The following SLIT3 variants were observed in gnomAD, a reference collection of about 807,000 sequenced individuals.
The protein encoded by SLIT3 is slit homolog 3 protein.
SLIT3 carries 68 observed loss-of-function variants against 184.0 expected under a neutral mutation model. The ratio of observed to expected loss-of-function variants is 0.37; its 90% CI spans 0.30 to 0.45. The LOEUF (loss-of-function observed/expected upper bound fraction) is 0.45. Ranked by LOEUF, SLIT3 falls within the 20% of genes least tolerant of loss-of-function variation. The probability of loss-of-function intolerance (pLI) is 1.00; values close to 1 mark genes in which losing one functional copy is unlikely to be tolerated. For synonymous variants in SLIT3, 831 were observed against 828.6 expected, an observed-to-expected ratio of 1.00 and a Z score of -0.05; for missense variants, 1,707 against 2,026.0, an observed-to-expected ratio of 0.84 and a Z score of 3.02.
intron 4 of SLIT3, among the ~76,000 whole-genome samples, chr5:168,895,208 G>A (rs568445228): frequency 6.6e-6 from 1 of 152,168 alleles, no homozygotes; most frequent in Non-Finnish European, 1.5e-5. Context: ...ACATTGCTCC[G>A]GATCTACCTA....
intron 4 of SLIT3, among the ~76,000 whole-genome samples, chr5:169,026,967 T>A (rs1374353760): frequency 2.6e-5 from 4 of 152,182 alleles, no homozygotes; most frequent in African/African-American, 7.2e-5. Flanking sequence ...GGATATTGTG[T>A]GGAACAACAT....
At chr5:169,154,261 A>G (rs755824518) in intron 4 of SLIT3, among the ~76,000 whole-genome samples, 1 of 152,126 alleles carries the variant, frequency 6.6e-6, no homozygotes, top group Non-Finnish European at 1.5e-5. Context: ...TGCCTGGCCG[A>G]TGCTGCCAGC....
intron 8 of SLIT3, among the ~76,000 whole-genome samples, chr5:168,811,244 T>C (rs1258977759): frequency 1.3e-5 from 2 of 152,160 alleles, no homozygotes; most frequent in Non-Finnish European, 2.9e-5. Flanking sequence ...AACTAACATG[T>C]ATTCAATGTG....
chr5:169,043,351 C>G (rs1757513018), intron 4 of SLIT3, among the ~76,000 whole-genome samples: 1 of 152,182 alleles, frequency 6.6e-6, no homozygotes, highest in Non-Finnish European at 1.5e-5. Flanking sequence ...GTTTGAATTA[C>G]AACATATCCA....
chr5:168,942,191 T>C (rs1055268613), intron 4 of SLIT3, among the ~76,000 whole-genome samples: 1 of 152,118 alleles, frequency 6.6e-6, no homozygotes, highest in African/African-American at 2.4e-5. Flanking sequence ...CAGGAACTAT[T>C]AGAAAAAGAA....
chr5:169,138,927 C>T (rs928690216), intron 4 of SLIT3, among the ~76,000 whole-genome samples: 1 of 152,238 alleles, frequency 6.6e-6, no homozygotes, highest in Non-Finnish European at 1.5e-5. Flanking sequence ...AGAGGTTGCT[C>T]ATGACTGATG....
intron 4 of SLIT3, among the ~76,000 whole-genome samples, chr5:168,916,756 T>C (rs1264853249): frequency 6.6e-6 from 1 of 152,216 alleles, no homozygotes; most frequent in Non-Finnish European, 1.5e-5. Flanking sequence ...TCAAAAAGGA[T>C]TGCCAATTTA....
At position 168,704,338 on chromosome 5, in the gene SLIT3, T is replaced by C. The variant is rs1393011043; in HGVS notation, c.2844+3638A>G. On this transcript the variant is annotated intron_variant, in intron 26 of 35. Transcript: ENST00000519560. ...CCTTTGTGAAGTATCTACTGAATCC[T>C]GGCACTGAGGTAGGCAAAGTACACA... is the stretch of plus-strand genomic sequence containing the variant. Among the ~76,000 whole-genome samples the C allele has an allele frequency of 4.3e-5, 6 of 138,794 alleles. 1 individual carries two copies. Among genetic ancestry groups the C allele is most frequent in the African/African-American group, 2.1e-4 (6 of 28,760 alleles). The allele number at this position is 138,794 out of a possible 152,430, so 91.1% of individuals were successfully genotyped here. A position where few individuals can be genotyped will look rare whatever the true frequency, so the allele number is the denominator to read the frequency against.
chr5:168,678,766 A>G (rs1463578261), intron 32 of SLIT3, among the ~76,000 whole-genome samples: 2 of 151,788 alleles, frequency 1.3e-5, no homozygotes, highest in Non-Finnish European at 2.9e-5. Flanking sequence ...TACTGTGACA[A>G]AAGTAGAGGA....
In SLIT3 at chr5:168,773,316, A is replaced by G. The variant is rs532307264; in HGVS notation, c.1296-372T>C. 2.6e-5 allele frequency among the ~76,000 whole-genome samples: 4 copies of G among 152,284 alleles called. No homozygotes were observed. The South Asian group carries it at 8.3e-4, about 32-fold the overall frequency. On this transcript the variant is annotated intron_variant, in intron 13 of 35. Coordinates refer to ENST00000519560, the MANE Select transcript of SLIT3 (RefSeq NM_003062.4). Reference sequence around the variant, plus strand: ...ATTTTATTTCTCTAAGCTCAGTGACACTAGGCACATAAAGCAGCTGGCACG... The same window carrying G: ...ATTTTATTTCTCTAAGCTCAGTGACGCTAGGCACATAAAGCAGCTGGCACG...
chr5:169,273,657 C>T (rs555321521), intron 1 of SLIT3, among the ~76,000 whole-genome samples: 6 of 152,194 alleles, frequency 3.9e-5, no homozygotes, highest in South Asian at 2.1e-4. Flanking sequence ...TGGAGGTGAA[C>T]GGCAAGTCTT....
At chr5:168,787,657 G>A (rs370110198) in intron 11 of SLIT3, among the ~76,000 whole-genome samples, 30 of 151,872 alleles carry the variant, frequency 2.0e-4, no homozygotes, top group African/African-American at 5.3e-4. Context: ...TCCCTCCCCC[G>A]CACCTCCCAG....
At chr5:168,970,167 A>G (rs1376404069) in intron 4 of SLIT3, among the ~76,000 whole-genome samples, 1 of 136,856 alleles carries the variant, frequency 7.3e-6, no homozygotes. Context: ...GGCAACAGAG[A>G]GAGACTCTGT....
intron 4 of SLIT3, among the ~76,000 whole-genome samples, chr5:169,176,757 C>G (rs906085427): frequency 6.6e-6 from 1 of 152,188 alleles, no homozygotes; most frequent in Non-Finnish European, 1.5e-5. Flanking sequence ...TCCAATAAAA[C>G]TTTATTTACA....
chr5:168,686,836 A>G (rs1761758150), intron 30 of SLIT3, 143 bp downstream of exon 30: 2 of 862,544 alleles, frequency 2.3e-6, no homozygotes, highest in Non-Finnish European at 3.7e-6. Context: ...CTGCAAAGGT[A>G]TCAGGGGAAT....
At chr5:168,877,068 G>A (rs576284199) in intron 5 of SLIT3, among the ~76,000 whole-genome samples, 1 of 152,224 alleles carries the variant, frequency 6.6e-6, no homozygotes, top group South Asian at 2.1e-4. Flanking sequence ...TGGGTACTGG[G>A]GACAACACAG....
At chr5:168,794,982 C>T (rs1006440839) in intron 10 of SLIT3, among the ~76,000 whole-genome samples, 10 of 152,312 alleles carry the variant, frequency 6.6e-5, no homozygotes, top group African/African-American at 1.4e-4. Context: ...TTATTTTCTG[C>T]GTTCTCCCAC....
At chr5:168,864,139 G>C (rs1249822925) in intron 5 of SLIT3, among the ~76,000 whole-genome samples, 2 of 152,120 alleles carry the variant, frequency 1.3e-5, no homozygotes, top group African/African-American at 4.8e-5. Flanking sequence ...GAGCCCAGGA[G>C]GTCGAGGCTG....
At chr5:168,820,013 C>G (rs919836036) in intron 7 of SLIT3, among the ~76,000 whole-genome samples, 2 of 152,140 alleles carry the variant, frequency 1.3e-5, no homozygotes, top group African/African-American at 4.8e-5. Context: ...AAGAGTCAAG[C>G]TGGGTAGATT....
Sources: gnomAD v4.1 joint callset for allele counts (sites outside exome capture counted in the v4.1 genomes callset) on GRCh38, gnomAD v4.1.1 for gene constraint, MANE v1.5 for transcripts, NCBI Gene and HGNC (gene_info 2026-07-23, HGNC 2026-07-21) for gene names.